Variants in SOX5 observed in about 807,000 individuals in gnomAD.
SOX5 encodes SRY-box transcription factor 5, also known as transcription factor SOX-5.
SOX5 carries 9 observed loss-of-function variants against 92.0 expected under a neutral mutation model. The observed-to-expected ratio is 0.10, with a 90% CI of 0.06 to 0.17. The LOEUF (loss-of-function observed/expected upper bound fraction) is 0.17, where lower values mean the gene tolerates loss of function less well. Ranked by LOEUF, SOX5 falls within the 10% of genes least tolerant of loss-of-function variation. The pLI is 1.00. For synonymous variants in SOX5, 344 were observed against 336.3 expected (o/e 1.02, Z -0.25); for missense variants, 642 against 944.5 (o/e 0.68, Z 4.20).
At chr12:23,621,363 G>T (rs1349908774) in intron 8 of SOX5, among the ~76,000 whole-genome samples, 1 of 152,026 alleles carries the variant, frequency 6.6e-6, no homozygotes, top group Non-Finnish European at 1.5e-5. Flanking sequence ...AAATGTACTG[G>T]ACACAGACAG....
At chr12:24,000,729 G>T (rs1409239677) in intron 4 of SOX5, among the ~76,000 whole-genome samples, 3 of 152,076 alleles carry the variant, frequency 2.0e-5, no homozygotes, top group African/African-American at 4.8e-5. Context: ...ACAGATGCAT[G>T]AAATACTGTA....
chr12:23,585,324 G>T (rs968332426), intron 9 of SOX5, among the ~76,000 whole-genome samples: 1 of 151,948 alleles, frequency 6.6e-6, no homozygotes, highest in Non-Finnish European at 1.5e-5. Context: ...GATGTCCCTG[G>T]GACTCACTGC....
At chr12:24,548,876 C>T (rs552677999) in intron 1 of SOX5, among the ~76,000 whole-genome samples, 1 of 152,270 alleles carries the variant, frequency 6.6e-6, no homozygotes, top group Admixed American at 6.5e-5. Flanking sequence ...CCTGAGAAAC[C>T]TCAATGGGTT....
intron 3 of SOX5, among the ~76,000 whole-genome samples, chr12:23,780,852 T>C (rs192812322): frequency 6.6e-6 from 1 of 152,110 alleles, no homozygotes; most frequent in African/African-American, 2.4e-5. Context: ...CATTATAAGA[T>C]AGAGTATGCT....
intron 3 of SOX5, among the ~76,000 whole-genome samples, chr12:24,232,940 C>A (rs777733108): frequency 6.6e-6 from 1 of 152,216 alleles, no homozygotes; most frequent in African/African-American, 2.4e-5. Context: ...ATGGAAGCCA[C>A]CATGTGATAA....
At chr12:24,180,375 G>A (rs1414592878) in intron 4 of SOX5, among the ~76,000 whole-genome samples, 2 of 152,146 alleles carry the variant, frequency 1.3e-5, no homozygotes, top group African/African-American at 4.8e-5. Flanking sequence ...GTAATTAAAT[G>A]TCTCAACTAA....
At chr12:24,039,509 A>G (rs189197371) in intron 4 of SOX5, among the ~76,000 whole-genome samples, 37 of 152,350 alleles carry the variant, frequency 2.4e-4, no homozygotes, top group Admixed American at 2.2e-3. Flanking sequence ...AAAAAAATAA[A>G]AATAAAACAT....
intron 1 of SOX5, among the ~76,000 whole-genome samples, chr12:24,383,329 C>T (rs943917024): frequency 2.0e-5 from 3 of 152,158 alleles, no homozygotes; most frequent in African/African-American, 7.2e-5. Context: ...GAGACAATTC[C>T]TTAAAGCTAA....
intron 6 of SOX5, among the ~76,000 whole-genome samples, chr12:23,691,320 T>A (rs1438878115): frequency 6.6e-6 from 1 of 152,222 alleles, no homozygotes; most frequent in African/African-American, 2.4e-5. Context: ...GCCTTTAAAT[T>A]GATATGCAGA....
chr12:23,754,175 T>A (rs1013884124), intron 4 of SOX5, among the ~76,000 whole-genome samples: 4 of 151,806 alleles, frequency 2.6e-5, no homozygotes, highest in African/African-American at 9.7e-5. Context: ...TCACTGCTGT[T>A]GCTGCTTTTA....
chr12:23,975,399 G>T (rs115419558), intron 4 of SOX5, among the ~76,000 whole-genome samples: 14 of 151,986 alleles, frequency 9.2e-5, no homozygotes, highest in African/African-American at 3.4e-4. Flanking sequence ...TCATTGAATA[G>T]GGTCCTGTGT....
chr12:23,963,755 A>AT (rs1459052248), intron 4 of SOX5, among the ~76,000 whole-genome samples: 1 of 107,726 alleles, frequency 9.3e-6, no homozygotes, highest in African/African-American at 3.4e-5. Context: ...GCAGGCATGC[A>AT]TGAATGAAGT....
chr12:23,846,599 G>A (rs563176903), intron 2 of SOX5, among the ~76,000 whole-genome samples: 1 of 152,264 alleles, frequency 6.6e-6, no homozygotes, highest in East Asian at 1.9e-4. Context: ...GGTATTAAAT[G>A]TAGTGATCAT....
chr12:24,354,000 T>C (rs760535985), intron 2 of SOX5, among the ~76,000 whole-genome samples: 8 of 152,160 alleles, frequency 5.3e-5, no homozygotes, highest in Non-Finnish European at 1.0e-4. Context: ...CATTGAATAA[T>C]GAGGAAATCA....
At chr12:23,720,411 T>C (rs2092749372) in intron 6 of SOX5, among the ~76,000 whole-genome samples, 2 of 152,178 alleles carry the variant, frequency 1.3e-5, no homozygotes, top group Non-Finnish European at 2.9e-5. Flanking sequence ...TCTAAAATAT[T>C]TGAGTTTTAC....
At chr12:23,949,766 GTCTCTC>G (rs143438082), upstream of SOX5, 30,261 of 471,548 alleles carry the variant, frequency 0.064, 373 homozygotes, top group South Asian at 0.085. Flanking sequence ...CTCTCTCTCT[GTCTCTC>G]TCTCTCTCTC....
intron 2 of SOX5, among the ~76,000 whole-genome samples, chr12:23,890,118 G>A (rs149979959): frequency 0.084 from 12,716 of 152,134 alleles, 559 homozygotes; most frequent in African/African-American, 0.096. Flanking sequence ...TCAGGAGTTC[G>A]AGACCAGCCT....
chr12:23,852,901 A>G (rs1369114372), intron 2 of SOX5, among the ~76,000 whole-genome samples: 1 of 152,014 alleles, frequency 6.6e-6, no homozygotes, highest in Non-Finnish European at 1.5e-5. Flanking sequence ...GAAGTTTGAG[A>G]ACTACTGTCA....
chr12:24,039,903 CTA>C (rs1255932074), intron 4 of SOX5, among the ~76,000 whole-genome samples: 10 of 152,294 alleles, frequency 6.6e-5, no homozygotes, highest in Admixed American at 3.9e-4. Flanking sequence ...GGAAGGTAAA[CTA>C]TGCAGATACA....
Sources: gnomAD v4.1 joint callset for allele counts (sites outside exome capture counted in the v4.1 genomes callset) on GRCh38, gnomAD v4.1.1 for gene constraint, MANE v1.5 for transcripts, NCBI Gene and HGNC (gene_info 2026-07-23, HGNC 2026-07-21) for gene names.